Variants in UBE2E2 observed in about 807,000 individuals in gnomAD.
The protein encoded by UBE2E2 is ubiquitin-conjugating enzyme E2 E2.
Under a neutral mutation model 24.7 loss-of-function variants are expected in UBE2E2, and 6 were observed. That is an observed-to-expected ratio of 0.24 (90% CI 0.13 to 0.48). The LOEUF (loss-of-function observed/expected upper bound fraction) is 0.48, where lower values mean the gene tolerates loss of function less well. Ranked by LOEUF, UBE2E2 falls within the 20% of genes least tolerant of loss-of-function variation. The pLI is 0.99. For missense variants in UBE2E2, 169 were observed against 245.0 expected, an observed-to-expected ratio of 0.69 and a Z score of 2.07; for synonymous variants, 104 against 83.6, an observed-to-expected ratio of 1.24 and a Z score of -1.33.
rs375861339 is a variant in UBE2E2 at position 23,300,067 on chromosome 3, C to T, written c.227+82755C>T. 2.8e-3 allele frequency among the ~76,000 whole-genome samples: 427 copies of T among 151,930 alleles called. 3 individuals carry two copies. Among genetic ancestry groups the T allele is most frequent in the African/African-American group, 9.7e-3 (401 of 41,406 alleles). On this transcript the variant is annotated intron_variant, in intron 3 of 5. Coordinates refer to ENST00000396703, the MANE Select transcript of UBE2E2 (RefSeq NM_152653.4). Reference sequence around the variant, plus strand: ...CCTTCTTTGTCTCTTTTGATCTTTGCTGGTTTAAAGTCTGTTTTATCAGAG... The same window carrying T: ...CCTTCTTTGTCTCTTTTGATCTTTGTTGGTTTAAAGTCTGTTTTATCAGAG...
intron 3 of UBE2E2, among the ~76,000 whole-genome samples, chr3:23,286,579 A>C (rs951318189): frequency 3.9e-5 from 6 of 152,128 alleles, no homozygotes; most frequent in Admixed American, 6.6e-5. Flanking sequence ...GAAGTCAGGT[A>C]ATATGATTTA....
At chr3:23,447,127 CAGT>C (rs1238915271) in intron 3 of UBE2E2, among the ~76,000 whole-genome samples, 1 of 152,064 alleles carries the variant, frequency 6.6e-6, no homozygotes, top group African/African-American at 2.4e-5. Flanking sequence ...GTACTTACAA[CAGT>C]AGTAGTTTTA....
At position 23,377,741 on chromosome 3, in the gene UBE2E2, C is replaced by T. The variant is rs147690771; in HGVS notation, c.228-121867C>T. ...AACTTTTCAAGCCTCAGTTTATCCC[C>T]CTTAGGGATTTTCTGATAGTTAAAT... On this transcript the variant is annotated intron_variant, in intron 3 of 5. Coordinates refer to ENST00000396703, the MANE Select transcript of UBE2E2 (RefSeq NM_152653.4). Among the ~76,000 whole-genome samples, 9 of 152,300 alleles carry T rather than the reference C, an allele frequency of 5.9e-5. No homozygotes were observed. The East Asian group carries it at 1.7e-3, about 29-fold the overall frequency.
intron 3 of UBE2E2, among the ~76,000 whole-genome samples, chr3:23,371,542 T>A (rs1005074827): frequency 1.3e-5 from 2 of 152,154 alleles, no homozygotes; most frequent in African/African-American, 4.8e-5. Flanking sequence ...TGGCTTTGTA[T>A]TTAAGAGGTA....
chr3:23,479,814 T>C lies in UBE2E2; in HGVS notation c.228-19794T>C, dbSNP rs572708662. 5.9e-5 allele frequency among the ~76,000 whole-genome samples: 9 copies of C among 152,258 alleles called. No individual in the cohort carries two copies. In the South Asian group the frequency reaches 1.9e-3, roughly 32 times the overall value. On this transcript the variant is annotated intron_variant, in intron 3 of 5. Coordinates refer to ENST00000396703, the MANE Select transcript of UBE2E2 (RefSeq NM_152653.4). The stretch of plus-strand genomic sequence containing the variant: ...AGCTCCTTTCTGCAAGCAGGTCATC[T>C]AGAGGAGTGTGTAAGTCTGGCTGAG...
chr3:23,564,003 G>A (rs1696001041), intron 5 of UBE2E2, among the ~76,000 whole-genome samples: 1 of 150,090 alleles, frequency 6.7e-6, no homozygotes, highest in Non-Finnish European at 1.5e-5. Context: ...GAAAAGAAAA[G>A]AGAAAGAAGG....
rs1003005250 is a variant in UBE2E2, at chr3:23,472,111, C to T, written c.228-27497C>T. ...TAAAAGAAGTTTTTTACATGATATC[C>T]GAAAGGAAAGACAAATCCAAATTAG... On this transcript the variant is annotated intron_variant, in intron 3 of 5. Transcript: ENST00000396703. 2.6e-5 allele frequency among the ~76,000 whole-genome samples: 4 copies of T among 151,982 alleles called. No individual in the cohort carries two copies. In the East Asian group the frequency reaches 5.8e-4, roughly 22 times the overall value.
At chr3:23,419,085 C>T (rs2125389197) in intron 3 of UBE2E2, among the ~76,000 whole-genome samples, 1 of 152,104 alleles carries the variant, frequency 6.6e-6, no homozygotes, top group East Asian at 1.9e-4. Flanking sequence ...TCCTGAGTAG[C>T]TAAGACTATA....
At chr3:23,570,997 A>G (rs958569157) in intron 5 of UBE2E2, among the ~76,000 whole-genome samples, 14 of 152,298 alleles carry the variant, frequency 9.2e-5, no homozygotes, top group Admixed American at 6.5e-4. Flanking sequence ...AGTTGCCAAC[A>G]TAACTCTTAA....
intron 3 of UBE2E2, among the ~76,000 whole-genome samples, chr3:23,411,913 A>G (rs1327652639): frequency 2.0e-5 from 3 of 152,206 alleles, no homozygotes; most frequent in Non-Finnish European, 4.4e-5. Flanking sequence ...AGTTATTAAA[A>G]TTAATAGTTC....
intron 5 of UBE2E2, among the ~76,000 whole-genome samples, chr3:23,578,361 A>T (rs1165864773): frequency 1.3e-5 from 2 of 152,232 alleles, no homozygotes; most frequent in Non-Finnish European, 2.9e-5. Flanking sequence ...ACCATTGTGG[A>T]AGACAGTGTG....
At chr3:23,457,331 A>ACC (rs1443860253) in intron 3 of UBE2E2, among the ~76,000 whole-genome samples, 1 of 152,206 alleles carries the variant, frequency 6.6e-6, no homozygotes, top group African/African-American at 2.4e-5. Flanking sequence ...TTTTGAAATA[A>ACC]CAAAAGCTCA....
At chr3:23,268,472 A>G (rs900683919) in intron 3 of UBE2E2, among the ~76,000 whole-genome samples, 1 of 151,766 alleles carries the variant, frequency 6.6e-6, no homozygotes, top group Non-Finnish European at 1.5e-5. Context: ...AGAGAAAAAA[A>G]TACCTAGGAA....
At chr3:23,471,936 A>G (rs1699039181) in intron 3 of UBE2E2, among the ~76,000 whole-genome samples, 1 of 117,130 alleles carries the variant, frequency 8.5e-6, no homozygotes, top group Admixed American at 7.6e-5. Flanking sequence ...ACAGGAAAAC[A>G]TCTTTAAAAA....
At chr3:23,206,266 T>C (rs765570550) in intron 1 of UBE2E2, among the ~76,000 whole-genome samples, 1 of 152,136 alleles carries the variant, frequency 6.6e-6, no homozygotes, top group Non-Finnish European at 1.5e-5. Context: ...TTACAAGATT[T>C]TAAACTTCTG....
At chr3:23,542,302 C>T (rs1421492814) in intron 5 of UBE2E2, among the ~76,000 whole-genome samples, 1 of 152,058 alleles carries the variant, frequency 6.6e-6, no homozygotes, top group Non-Finnish European at 1.5e-5. Context: ...GATTCATAAT[C>T]AAAATAATGT....
At chr3:23,319,550 A>T (rs1047717271) in intron 3 of UBE2E2, among the ~76,000 whole-genome samples, 1 of 152,122 alleles carries the variant, frequency 6.6e-6, no homozygotes. Context: ...ATCCTTCTCT[A>T]CCAGGCATGG....
chr3:23,395,047 T>C (rs1697042294), intron 3 of UBE2E2, among the ~76,000 whole-genome samples: 1 of 152,170 alleles, frequency 6.6e-6, no homozygotes, highest in African/African-American at 2.4e-5. Context: ...ATTTTCTACT[T>C]CTTGTGTCAT....
intron 3 of UBE2E2, among the ~76,000 whole-genome samples, chr3:23,403,473 A>G (rs1182424974): frequency 6.6e-6 from 1 of 152,240 alleles, no homozygotes; most frequent in Non-Finnish European, 1.5e-5. Context: ...CTGCAGCCAC[A>G]TAACAGAACT....
Sources: allele counts gnomAD v4.1 joint callset (sites outside exome capture counted in the v4.1 genomes callset), GRCh38; gene constraint gnomAD v4.1.1; transcripts MANE v1.5; gene names NCBI Gene and HGNC (gene_info 2026-07-23, HGNC 2026-07-21).